Variants in DLG2 observed in about 807,000 individuals in gnomAD.
The protein encoded by DLG2 is disks large homolog 2.
In DLG2, 45 loss-of-function variants were observed where a neutral mutation model predicts 132.5. The ratio of observed to expected loss-of-function variants is 0.34; its 90% CI spans 0.27 to 0.44. The LOEUF (loss-of-function observed/expected upper bound fraction) is 0.44. Among genes scored for constraint, DLG2 ranks in the 20% least tolerant of loss-of-function variants. The pLI is 1.00. For missense variants in DLG2, 1,045 were observed against 1,196.9 expected (o/e 0.87, Z 1.87); for synonymous variants, 424 against 419.6 (o/e 1.01, Z -0.13).
chr11:85,035,228 A>C (rs2061347167), intron 6 of DLG2, among the ~76,000 whole-genome samples: 1 of 152,246 alleles, frequency 6.6e-6, no homozygotes, highest in South Asian at 2.1e-4. Flanking sequence ...AAATGTGTTC[A>C]GATTGAAACA....
chr11:84,352,946 C>T (rs2098588359), intron 7 of DLG2, among the ~76,000 whole-genome samples: 1 of 152,176 alleles, frequency 6.6e-6, no homozygotes, highest in South Asian at 2.1e-4. Context: ...GGATCCTACT[C>T]TCTTCCTTAC....
At chr11:83,768,896 G>A (rs983224823) in intron 18 of DLG2, among the ~76,000 whole-genome samples, 14 of 152,210 alleles carry the variant, frequency 9.2e-5, no homozygotes, top group African/African-American at 3.4e-4. Flanking sequence ...ATGGACACCA[G>A]AGTCAGGCAG....
At chr11:85,049,002 C>G (rs970498411) in intron 6 of DLG2, among the ~76,000 whole-genome samples, 1 of 151,988 alleles carries the variant, frequency 6.6e-6, no homozygotes, top group African/African-American at 2.4e-5. Flanking sequence ...TAACCCTATA[C>G]CTCCATGATA....
chr11:83,933,509 A>T (rs2080806713), intron 14 of DLG2, among the ~76,000 whole-genome samples: 1 of 152,206 alleles, frequency 6.6e-6, no homozygotes, highest in Non-Finnish European at 1.5e-5. Flanking sequence ...TTATAATTGC[A>T]GGTTCTTATA....
intron 5 of DLG2, among the ~76,000 whole-genome samples, chr11:85,118,636 G>A (rs1271996167): frequency 6.6e-6 from 1 of 151,946 alleles, no homozygotes; most frequent in Non-Finnish European, 1.5e-5. Context: ...AATACATTGA[G>A]CACCATTAGA....
chr11:84,575,998 G>C (rs2099498947), intron 6 of DLG2, among the ~76,000 whole-genome samples: 1 of 152,140 alleles, frequency 6.6e-6, no homozygotes, highest in Non-Finnish European at 1.5e-5. Flanking sequence ...GAACCTGGCT[G>C]TTTCCTCTTC....
intron 6 of DLG2, among the ~76,000 whole-genome samples, chr11:84,604,723 G>T (rs1451405683): frequency 6.6e-6 from 1 of 151,972 alleles, no homozygotes; most frequent in Non-Finnish European, 1.5e-5. Flanking sequence ...ATATTAAAAG[G>T]TCTCTCAGAG....
At chr11:85,144,091 A>G (rs566489102) in intron 5 of DLG2, among the ~76,000 whole-genome samples, 1 of 151,892 alleles carries the variant, frequency 6.6e-6, no homozygotes, top group African/African-American at 2.4e-5. Context: ...TATTTGTTTT[A>G]TATATATGGG....
chr11:85,011,155 T>C (rs2059121246), intron 6 of DLG2, among the ~76,000 whole-genome samples: 1 of 152,124 alleles, frequency 6.6e-6, no homozygotes, highest in Admixed American at 6.5e-5. Flanking sequence ...CACCCTTGAG[T>C]TGAGAACCAC....
In DLG2 at chr11:85,315,834, T is replaced by A. The variant is rs568202132; in HGVS notation, c.41-30469A>T. 4.5e-4 allele frequency among the ~76,000 whole-genome samples: 69 copies of A among 152,094 alleles called. 1 individual carries two copies. The highest frequency in any genetic ancestry group is 1.5e-3 in the African/African-American group (63 of 41,526). ...CTGTGTAGGATATTTAAAAACTGCCTCTTCACCTCTCTCAATCAGAGGAGC... is the reference window on the plus strand; with the variant it reads ...CTGTGTAGGATATTTAAAAACTGCCACTTCACCTCTCTCAATCAGAGGAGC... On this transcript the variant is annotated intron_variant, in intron 3 of 27. Coordinates refer to ENST00000376104, the MANE Select transcript of DLG2 (RefSeq NM_001142699.3).
In DLG2 at chr11:83,705,210, A is replaced by C. The variant is rs78649806; in HGVS notation, c.1826-71885T>G. On this transcript the variant is annotated intron_variant, in intron 18 of 27. Coordinates refer to ENST00000376104, the MANE Select transcript of DLG2 (RefSeq NM_001142699.3). ...ATTTTCACTTATTAAAAGAGTTCTAAACTTCTTTTCTCCAGGCTAAATCTT... is the reference window on the plus strand; with the variant it reads ...ATTTTCACTTATTAAAAGAGTTCTACACTTCTTTTCTCCAGGCTAAATCTT... Among the ~76,000 whole-genome samples, 343 of 152,312 alleles carry C rather than the reference A, an allele frequency of 2.3e-3. 12 individuals are homozygous for C. In the East Asian group the frequency reaches 0.061, roughly 27 times the overall value.
At chr11:84,569,448 T>G (rs1441055761) in intron 6 of DLG2, among the ~76,000 whole-genome samples, 2 of 151,846 alleles carry the variant, frequency 1.3e-5, no homozygotes, top group Non-Finnish European at 2.9e-5. Flanking sequence ...ATACTCAAAG[T>G]TCAGTGAACA....
intron 7 of DLG2, among the ~76,000 whole-genome samples, chr11:84,433,978 C>T (rs1201700047): frequency 2.6e-5 from 4 of 151,768 alleles, no homozygotes; most frequent in Non-Finnish European, 5.9e-5. Flanking sequence ...ATTAGCCGGG[C>T]ATATTGACAC....
intron 6 of DLG2, among the ~76,000 whole-genome samples, chr11:85,030,110 T>C (rs184435579): frequency 8.9e-4 from 135 of 152,368 alleles, no homozygotes; most frequent in African/African-American, 3.2e-3. Flanking sequence ...ACTTCGCAAA[T>C]ACTTCATTGC....
chr11:84,729,033 C>G (rs896057857), intron 6 of DLG2, among the ~76,000 whole-genome samples: 6 of 151,912 alleles, frequency 3.9e-5, no homozygotes, highest in Non-Finnish European at 7.4e-5. Flanking sequence ...TTTTCAAAAA[C>G]CCAGCTCCTG....
At chr11:85,592,971 A>G (rs1438631868) in intron 3 of DLG2, among the ~76,000 whole-genome samples, 2 of 151,912 alleles carry the variant, frequency 1.3e-5, no homozygotes, top group African/African-American at 2.4e-5. Flanking sequence ...AAGAAAAAAA[A>G]AGAAAAGAAA....
At chr11:85,403,585 T>C (rs1354409531) in intron 3 of DLG2, among the ~76,000 whole-genome samples, 1 of 151,754 alleles carries the variant, frequency 6.6e-6, no homozygotes. Flanking sequence ...AAGCCTGGCT[T>C]TGGGAGAAGA....
Position 83,633,226 on chromosome 11 carries a change from C to T in DLG2, c.1925G>A (p.Arg642His), listed in dbSNP as rs151222966. 6 of 1,613,562 alleles carry T rather than the reference C, an allele frequency of 3.7e-6. No homozygotes were observed. The highest frequency in any genetic ancestry group is 1.7e-5 in the Admixed American group (1 of 59,956). Residue 642 changes from arginine to histidine, a missense_variant, in exon 19 of 28, where the codon CGC becomes CAC. This residue lies in a region of DLG2 where 398 missense variants were observed against 543.6 expected (regional missense o/e 0.73). Transcript: ENST00000376104. ...GSGSLRTNQK[R>H]SLYVRAMFDY... ...CTTTGCCTACCTGACGTAGAGGGAG[C>T]GTTTCTGATTGGTTCGCAGGGATCC...
At chr11:85,569,955 C>CA (rs1324395329) in intron 3 of DLG2, among the ~76,000 whole-genome samples, 2 of 152,186 alleles carry the variant, frequency 1.3e-5, no homozygotes, top group East Asian at 3.9e-4. Flanking sequence ...CACAGATGGA[C>CA]ATAAACAAAG....
Sources: gnomAD v4.1 joint callset for allele counts (sites outside exome capture counted in the v4.1 genomes callset) on GRCh38, gnomAD v4.1.1 for gene constraint, gnomAD v4.1.1 regional missense constraint, MANE v1.5 for transcripts, NCBI Gene and HGNC (gene_info 2026-07-23, HGNC 2026-07-21) for gene names.